SERPINI1: variants seen among roughly 807,000 people sequenced by gnomAD.
SERPINI1 encodes the protein serpin family I member 1.
Under a neutral mutation model 41.1 loss-of-function variants are expected in SERPINI1, and 19 were observed. The observed-to-expected ratio is 0.46, with a 90% CI of 0.32 to 0.68. The LOEUF is 0.68. Ranked by LOEUF, SERPINI1 falls within the 30% of genes least tolerant of loss-of-function variation. The pLI, the probability that SERPINI1 is intolerant of heterozygous loss-of-function variation, is 0.03. For missense variants in SERPINI1, 460 were observed against 479.2 expected, an observed-to-expected ratio of 0.96 and a Z score of 0.37; for synonymous variants, 138 against 156.6, an observed-to-expected ratio of 0.88 and a Z score of 0.89.
intron 6 of SERPINI1, among the ~76,000 whole-genome samples, chr3:167,821,916 C>A (rs921760003): frequency 6.6e-6 from 1 of 152,170 alleles, no homozygotes; most frequent in African/African-American, 2.4e-5. Context: ...CCAAAGGCAG[C>A]CTGCTGGCAG....
intron 5 of SERPINI1, among the ~76,000 whole-genome samples, chr3:167,800,548 G>A (rs1727866168): frequency 6.6e-6 from 1 of 152,218 alleles, no homozygotes; most frequent in Middle Eastern, 3.4e-3. Flanking sequence ...TCTAAAGTCA[G>A]CATCAAATAC....
At chr3:167,760,839 A>G (rs1230316101) in intron 1 of SERPINI1, among the ~76,000 whole-genome samples, 1 of 152,152 alleles carries the variant, frequency 6.6e-6, no homozygotes, top group Non-Finnish European at 1.5e-5. Flanking sequence ...ACAGTTCTGA[A>G]AATAACAGTG....
intron 3 of SERPINI1, among the ~76,000 whole-genome samples, 177 bp downstream of exon 3, chr3:167,790,779 C>T (rs1727479288): frequency 6.6e-6 from 1 of 152,052 alleles, no homozygotes; most frequent in South Asian, 2.1e-4. Context: ...TATGAATGAA[C>T]ATTTGAGAAA....
chr3:167,812,642 T>C (rs1711932798), intron 6 of SERPINI1, among the ~76,000 whole-genome samples: 1 of 152,232 alleles, frequency 6.6e-6, no homozygotes, highest in South Asian at 2.1e-4. Context: ...TTCTTACACA[T>C]GTTTCCTATA....
chr3:167,747,622 C>T (rs887852594), intron 1 of SERPINI1, among the ~76,000 whole-genome samples: 3 of 151,528 alleles, frequency 2.0e-5, no homozygotes, highest in Admixed American at 1.3e-4. Flanking sequence ...CCAGCCTGGG[C>T]GACAGAGCGA....
At chr3:167,825,122 A>C in intron 8 of SERPINI1, 125 bp from the exon 9 acceptor site, 1 of 663,200 alleles carries the variant, frequency 1.5e-6, no homozygotes, top group Non-Finnish European at 2.7e-6. Context: ...GAAGGACAGG[A>C]GGAAGGAAGG....
chr3:167,787,945 G>A (rs188197699), intron 1 of SERPINI1, among the ~76,000 whole-genome samples: 19 of 152,292 alleles, frequency 1.2e-4, no homozygotes, highest in Non-Finnish European at 2.4e-4. Flanking sequence ...AAATGTGTAT[G>A]TACTCTGTTA....
At chr3:167,824,629 T>C (rs1164698316) in intron 8 of SERPINI1, 67 bp downstream of exon 8, 1 of 1,030,396 alleles carries the variant, frequency 9.7e-7, no homozygotes, top group Admixed American at 1.8e-5. Flanking sequence ...TAAATGGAGA[T>C]TTTTTTCCTC....
intron 1 of SERPINI1, among the ~76,000 whole-genome samples, chr3:167,777,769 G>A (rs1029962886): frequency 7.2e-5 from 11 of 152,212 alleles, no homozygotes; most frequent in African/African-American, 9.6e-5. Context: ...GGGCTAGATT[G>A]TGTTACAGTT....
Position 167,768,995 on chromosome 3 carries a change from T to TGTTTGTTC in SERPINI1, c.-18-20109_-18-20108insCGTTTGTT, listed in dbSNP as rs537193786. On this transcript the variant is annotated intron_variant, in intron 1 of 8. Transcript: ENST00000446050. ...AATTTTGTTCTTTTGTTTGTTTGTT[T>TGTTTGTTC]GTTTGTTTGTTTGTTTTGAGATGGA... Among the ~76,000 whole-genome samples the TGTTTGTTC allele has an allele frequency of 3.2e-3, 485 of 151,616 alleles. 2 individuals carry two copies. Among genetic ancestry groups the TGTTTGTTC allele is most frequent in the African/African-American group, 0.011 (468 of 41,140 alleles).
At chr3:167,796,698 T>C (rs1362384210) in intron 5 of SERPINI1, among the ~76,000 whole-genome samples, 1 of 152,188 alleles carries the variant, frequency 6.6e-6, no homozygotes, top group Non-Finnish European at 1.5e-5. Flanking sequence ...CATTCCTTTT[T>C]ATGGCTGCAT....
chr3:167,780,905 T>A (rs555633922), intron 1 of SERPINI1, among the ~76,000 whole-genome samples: 83 of 152,298 alleles, frequency 5.4e-4, no homozygotes, highest in African/African-American at 1.9e-3. Context: ...TACACACTTG[T>A]CTAGGCAATG....
chr3:167,759,559 T>A (rs1020284910), intron 1 of SERPINI1, among the ~76,000 whole-genome samples: 11 of 151,842 alleles, frequency 7.2e-5, no homozygotes, highest in Non-Finnish European at 1.2e-4. Flanking sequence ...CACTTATAAG[T>A]CAGAGCTAAA....
chr3:167,812,177 C>T (rs1184531923), intron 6 of SERPINI1, among the ~76,000 whole-genome samples: 1 of 152,172 alleles, frequency 6.6e-6, no homozygotes, highest in Non-Finnish European at 1.5e-5. Flanking sequence ...TTTCCAATCT[C>T]TCTCCAATCT....
At chr3:167,771,855 G>A (rs982677694) in intron 1 of SERPINI1, among the ~76,000 whole-genome samples, 8 of 152,332 alleles carry the variant, frequency 5.3e-5, no homozygotes, top group South Asian at 2.1e-4. Flanking sequence ...GTGCGCGCAC[G>A]CGCACGCACA....
chr3:167,766,224 T>TAAA lies in SERPINI1; in HGVS notation c.-18-22871_-18-22869dup, dbSNP rs34346585. Reference sequence around the variant, plus strand: ...CGTACCCAAGACTGGGCAATTTACCTAAAAAAAAAAAAAAAAAAGATTTAA... The same window carrying TAAA: ...CGTACCCAAGACTGGGCAATTTACCTAAAAAAAAAAAAAAAAAAAAAGATTTAA... On this transcript the variant is annotated intron_variant, in intron 1 of 8. Coordinates refer to ENST00000446050, the MANE Select transcript of SERPINI1 (RefSeq NM_001122752.2). 3.5e-3 allele frequency among the ~76,000 whole-genome samples: 443 copies of TAAA among 126,104 alleles called. 4 individuals are homozygous for TAAA. The highest frequency in any genetic ancestry group is 0.012 in the African/African-American group (418 of 34,740). The allele number at this position is 126,104 out of a possible 152,430, so 82.7% of individuals were successfully genotyped here.
rs2108576541 is a variant in SERPINI1 at position 167,825,318 on chromosome 3, C to CT, written c.1231dup (p.Ter411LeufsTer6). ...CACAAGTGGACATGATTTCGAAGAA[C>CT]TTTAAGTTACTTTATTTGAATAACA... On this transcript the variant is annotated frameshift_variant, in exon 9 of 9. Transcript: ENST00000446050. LOFTEE classifies it high-confidence loss of function. 6 of 1,601,106 alleles carry CT rather than the reference C, an allele frequency of 3.7e-6. No homozygotes were observed. The highest frequency in any genetic ancestry group is 5.1e-6 in the Non-Finnish European group (6 of 1,168,284).
chr3:167,748,020 A>G (rs1725919419), intron 1 of SERPINI1, among the ~76,000 whole-genome samples: 2 of 151,974 alleles, frequency 1.3e-5, no homozygotes, highest in Admixed American at 1.3e-4. Flanking sequence ...CGGAAATATC[A>G]GCTTATCTTA....
At chr3:167,742,767 A>G (rs536117840) in intron 1 of SERPINI1, among the ~76,000 whole-genome samples, 1 of 151,776 alleles carries the variant, frequency 6.6e-6, no homozygotes, top group South Asian at 2.1e-4. Context: ...GACTAAAACC[A>G]TGTTTATTTT....
Sources: allele counts gnomAD v4.1 joint callset (sites outside exome capture counted in the v4.1 genomes callset), GRCh38; gene constraint gnomAD v4.1.1; transcripts MANE v1.5; gene names NCBI Gene and HGNC (gene_info 2026-07-23, HGNC 2026-07-21).